GRIN2D: variants seen among roughly 807,000 people sequenced by gnomAD.
The protein encoded by GRIN2D is glutamate receptor ionotropic, NMDA 2D.
In GRIN2D, 37 loss-of-function variants were observed where a neutral mutation model predicts 103.2. The ratio of observed to expected loss-of-function variants is 0.36; its 90% CI spans 0.28 to 0.47. The LOEUF (loss-of-function observed/expected upper bound fraction) is 0.47, where lower values mean the gene tolerates loss of function less well. Among genes scored for constraint, GRIN2D ranks in the 20% least tolerant of loss-of-function variants. The pLI is 1.00. For missense variants in GRIN2D, 1,557 were observed against 1,910.6 expected, an observed-to-expected ratio of 0.81 and a Z score of 3.45; for synonymous variants, 845 against 885.6, an observed-to-expected ratio of 0.95 and a Z score of 0.81.
chr19:48,411,326 A>AAAT (rs200053542), intron 4 of GRIN2D, among the ~76,000 whole-genome samples: 18,061 of 137,998 alleles, frequency 0.13, 1,249 homozygotes, highest in Middle Eastern at 0.18. Context: ...CCCCGTCTCA[A>AAAT]AATAATAATA....
At chr19:48,396,201 G>T (rs568389486) in intron 2 of GRIN2D, among the ~76,000 whole-genome samples, 97 of 152,116 alleles carry the variant, frequency 6.4e-4, no homozygotes, top group Non-Finnish European at 1.1e-3. Context: ...GGGTTGTCCA[G>T]AGGCTGGACT....
At chr19:48,427,472 CTTTTTT>C (rs1038381293) in intron 11 of GRIN2D, among the ~76,000 whole-genome samples, 1 of 83,238 alleles carries the variant, frequency 1.2e-5, no homozygotes, top group Admixed American at 1.8e-4. Flanking sequence ...ATCTTCTTTT[CTTTTTT>C]TTTTTTTTTT....
chr19:48,413,143 CA>C (rs796917712), intron 4 of GRIN2D, among the ~76,000 whole-genome samples: 3 of 104,888 alleles, frequency 2.9e-5, no homozygotes, highest in Non-Finnish European at 4.0e-5. Flanking sequence ...TCTCAAAAAA[CA>C]AAAACAAAAA....
Position 48,442,417 on chromosome 19 carries a change from T to C in GRIN2D, c.2673+35T>C. ...AGAGAGGGAGGCAGAGAGGGGGAGA[T>C]GGCAGGGGCGGGGACAAAGGTAAAG... On this transcript the variant is annotated intron_variant, in intron 13 of 13. Transcript: ENST00000263269. The surrounding 1 kb of genome is among the most constrained non-coding windows in gnomAD (Gnocchi z 7.2). 6.3e-7 allele frequency: 1 copy of C among 1,582,418 alleles called. No individual in the cohort carries two copies.
At chr19:48,415,382 T>TA (rs890562486) in intron 7 of GRIN2D, among the ~76,000 whole-genome samples, 20 of 137,112 alleles carry the variant, frequency 1.5e-4, no homozygotes, top group African/African-American at 4.1e-4. Context: ...AAAATAATAA[T>TA]AAAAAAAAAG....
At chr19:48,428,789 G>A (rs139997421) in intron 11 of GRIN2D, among the ~76,000 whole-genome samples, 13 of 152,190 alleles carry the variant, frequency 8.5e-5, no homozygotes, top group Admixed American at 6.6e-5. Context: ...AAGTACTAGG[G>A]GCTAGGACTT....
At chr19:48,419,557 T>A in intron 9 of GRIN2D, 28 bp from the exon 10 acceptor site, 1 of 1,505,120 alleles carries the variant, frequency 6.6e-7, no homozygotes. Context: ...GGATTTGGGG[T>A]CCATGTCCAC....
intron 11 of GRIN2D, among the ~76,000 whole-genome samples, chr19:48,425,344 C>T (rs888785506): frequency 9.2e-5 from 14 of 152,110 alleles, no homozygotes; most frequent in African/African-American, 9.7e-5. Context: ...CGGGTTCAAG[C>T]GATTCTCCTG....
At chr19:48,434,777 ATTTTT>A (rs1291189497) in intron 11 of GRIN2D, among the ~76,000 whole-genome samples, 1 of 151,228 alleles carries the variant, frequency 6.6e-6, no homozygotes, top group Non-Finnish European at 1.5e-5. Context: ...ATTTTATTTT[ATTTTT>A]TATTTTTTTG....
chr19:48,415,477 C>T (rs1157695270), intron 7 of GRIN2D, among the ~76,000 whole-genome samples: 1 of 116,932 alleles, frequency 8.6e-6, no homozygotes, highest in African/African-American at 3.4e-5. Context: ...AGGGACATGC[C>T]TTGGAACAGG....
At position 48,414,204 on chromosome 19, in the gene GRIN2D, G is replaced by C. The variant is rs1432208869; in HGVS notation, c.1200+99G>C. 2.2e-6 allele frequency: 2 copies of C among 912,832 alleles called. No individual in the cohort carries two copies. The highest frequency in any genetic ancestry group is 1.6e-5 in the African/African-American group (1 of 61,170). The allele number at this position is 912,832 out of a possible 1,614,324, so 56.5% of individuals were successfully genotyped here. On this transcript the variant is annotated intron_variant, in intron 5 of 13. Transcript: ENST00000263269. The surrounding 1 kb of genome is among the most constrained non-coding windows in gnomAD (Gnocchi z 4.6). ...GGTCGTGGACTAAGAGGGAGGAGGGGACAAGGAGCCTGGACTCCTGGGTCC... is the reference window on the plus strand; with the variant it reads ...GGTCGTGGACTAAGAGGGAGGAGGGCACAAGGAGCCTGGACTCCTGGGTCC...
intron 8 of GRIN2D, among the ~76,000 whole-genome samples, chr19:48,417,021 A>C (rs1970957512): frequency 6.6e-6 from 1 of 152,214 alleles, no homozygotes; most frequent in African/African-American, 2.4e-5. Context: ...CTGGAATTAC[A>C]GGCGTGAGCC....
At chr19:48,408,937 C>T (rs1037299915) in intron 4 of GRIN2D, among the ~76,000 whole-genome samples, 2 of 151,974 alleles carry the variant, frequency 1.3e-5, no homozygotes, top group Non-Finnish European at 1.5e-5. Flanking sequence ...CTGGAACTGC[C>T]TTGTCTTAGT....
chr19:48,394,242 C>T lies in GRIN2D; in HGVS notation c.-306+374C>T, dbSNP rs1970603577. Among the ~76,000 whole-genome samples, 1 of 151,632 alleles carries T rather than the reference C, an allele frequency of 6.6e-6. No individual in the cohort carries two copies. Among genetic ancestry groups the T allele is most frequent in the Non-Finnish European group, 1.5e-5 (1 of 67,894 alleles). ...GCTCTGGGGGTGTTGAGGGGGAATC[C>T]CAGGGAAGTGAGATCGTGCGTGTGT... On this transcript the variant is annotated intron_variant, in intron 1 of 13. Coordinates refer to ENST00000263269, the MANE Select transcript of GRIN2D (RefSeq NM_000836.4). This position sits in a 1 kb window ranked among gnomAD's most constrained non-coding sequence, Gnocchi z 5.1.
chr19:48,421,690 G>C lies in GRIN2D; in HGVS notation c.2092-95G>C. 1 of 978,562 alleles carries C rather than the reference G, an allele frequency of 1.0e-6. No individual in the cohort carries two copies. The highest frequency in any genetic ancestry group is 1.6e-6 in the Non-Finnish European group (1 of 627,994). The allele number at this position is 978,562 out of a possible 1,614,324, so 60.6% of individuals were successfully genotyped here. On this transcript the variant is annotated intron_variant, in intron 10 of 13. Coordinates refer to ENST00000263269, the MANE Select transcript of GRIN2D (RefSeq NM_000836.4). This position sits in a 1 kb window ranked among gnomAD's most constrained non-coding sequence, Gnocchi z 4.8. ...AATATTGAACACTCCTGGGACTGGG[G>C]TGTCTGCCAGATAGCGGGTGTGTCT...
chr19:48,432,773 C>CTT (rs567358434), intron 11 of GRIN2D, among the ~76,000 whole-genome samples: 2 of 136,410 alleles, frequency 1.5e-5, no homozygotes, highest in East Asian at 2.2e-4. Context: ...ACTGGACTTT[C>CTT]TTTTTTTTTT....
chr19:48,414,090 C>T lies in GRIN2D; in HGVS notation c.1185C>T (p.Asp395=), dbSNP rs775262870. ...TGGTGGTCATCTCCCTCACCAGAGA[C>T]AGGACGTGGGAGGTGGTGAGTCGTA... is the stretch of plus-strand genomic sequence containing the variant. ...PSLVVISLTR[D]RTWEVVGSWE... Residue 395 remains aspartate (D), a synonymous_variant, in exon 5 of 14, where the codon GAC becomes GAT. Transcript: ENST00000263269. This position sits in a 1 kb window ranked among gnomAD's most constrained non-coding sequence, Gnocchi z 4.6. 6 of 1,599,152 alleles carry T rather than the reference C, an allele frequency of 3.8e-6. No homozygotes were observed. The highest frequency in any genetic ancestry group is 8.6e-7 in the Non-Finnish European group (1 of 1,166,564).
At chr19:48,401,722 A>G (rs1970712452) in intron 3 of GRIN2D, among the ~76,000 whole-genome samples, 1 of 152,234 alleles carries the variant, frequency 6.6e-6, no homozygotes, top group South Asian at 2.1e-4. Flanking sequence ...AAGGTTTTCA[A>G]TTGAGAAGGG....
chr19:48,441,069 T>G (rs1399293370), intron 11 of GRIN2D, among the ~76,000 whole-genome samples: 1 of 151,954 alleles, frequency 6.6e-6, no homozygotes, highest in Non-Finnish European at 1.5e-5. Context: ...ACTATTTCAT[T>G]AACAGTCACA....
Sources: gnomAD v4.1 joint callset for allele counts (sites outside exome capture counted in the v4.1 genomes callset) on GRCh38, gnomAD v4.1.1 for gene constraint, Gnocchi (gnomAD v3.1) non-coding constraint, MANE v1.5 for transcripts, NCBI Gene and HGNC (gene_info 2026-07-23, HGNC 2026-07-21) for gene names.